KHK: variants seen among roughly 807,000 people sequenced by gnomAD.
KHK encodes fructokinase.
Under a neutral mutation model 36.0 loss-of-function variants are expected in KHK, and 37 were observed. That is an observed-to-expected ratio of 1.03 (90% CI 0.79 to 1.35). KHK has a LOEUF of 1.35. Among genes scored for constraint, KHK ranks in the 40% most tolerant of loss-of-function variants. KHK has a pLI of 0.00. For synonymous variants in KHK, 161 were observed against 162.8 expected (o/e 0.99, Z 0.08); for missense variants, 395 against 391.9 (o/e 1.01, Z -0.07).
At chr2:27,094,494 T>G in intron 2 of KHK, 1 of 1,613,880 alleles carries the variant, frequency 6.2e-7, no homozygotes, top group Non-Finnish European at 8.5e-7. Flanking sequence ...CTGGATGACC[T>G]CCGCCGCTAT....
intron 2 of KHK, chr2:27,094,204 T>G: frequency 5.8e-6 from 3 of 520,180 alleles, no homozygotes; most frequent in Non-Finnish European, 1.1e-5. Context: ...CAGCATGAGT[T>G]GGACTGAAAA....
In KHK at chr2:27,099,125, G is replaced by A. The variant is rs1205494999; in HGVS notation, c.565-71G>A. The A allele has an allele frequency of 5.9e-6, 8 of 1,360,770 alleles. No homozygotes were observed. In the East Asian group the frequency reaches 1.4e-4, roughly 23 times the overall value. 84.3% of individuals were successfully genotyped at this position (1,360,770 alleles called of 1,614,324 possible). ...GTTGGGGGAGTCGTGTTGTAATGGG[G>A]GCAACGCTAGGCTGCTGTTGGTGAA... On this transcript the variant is annotated intron_variant, in intron 5 of 7. Transcript: ENST00000260598.
rs537833159 is a variant in KHK at position 27,099,079 on chromosome 2, G to A, written c.565-117G>A. On this transcript the variant is annotated intron_variant, in intron 5 of 7. Transcript: ENST00000260598. ...TTCCCGTGGGACAGTGAGATGCTACGTTGGGGATCTATGTGGACATGTTGG... is the reference window on the plus strand; with the variant it reads ...TTCCCGTGGGACAGTGAGATGCTACATTGGGGATCTATGTGGACATGTTGG... 144 of 897,342 alleles carry A rather than the reference G, an allele frequency of 1.6e-4. 1 individual carries two copies. The South Asian group carries it at 1.8e-3, about 11-fold the overall frequency. The allele number at this position is 897,342 out of a possible 1,614,324, so 55.6% of individuals were successfully genotyped here.
At chr2:27,096,433 A>C (rs1193233936) in intron 3 of KHK, among the ~76,000 whole-genome samples, 1 of 152,154 alleles carries the variant, frequency 6.6e-6, no homozygotes, top group South Asian at 2.1e-4. Flanking sequence ...TGGCGCTCTC[A>C]GTGCATTCTG....
At chr2:27,089,849 G>A (rs1455751689) in intron 1 of KHK, among the ~76,000 whole-genome samples, 1 of 152,196 alleles carries the variant, frequency 6.6e-6, no homozygotes, top group African/African-American at 2.4e-5. Flanking sequence ...CCCCTGGGAC[G>A]TGTCCTTTTT....
intron 1 of KHK, among the ~76,000 whole-genome samples, chr2:27,089,023 ACT>A (rs1312390403): frequency 6.6e-6 from 1 of 151,960 alleles, no homozygotes; most frequent in Non-Finnish European, 1.5e-5. Context: ...ATTATTTTAT[ACT>A]CTCCTCCCAG....
At chr2:27,088,557 C>T (rs1001844879) in intron 1 of KHK, among the ~76,000 whole-genome samples, 3 of 152,208 alleles carry the variant, frequency 2.0e-5, no homozygotes, top group Non-Finnish European at 2.9e-5. Context: ...GGATTATAGG[C>T]ATACGCCACC....
In KHK at chr2:27,098,247, G is replaced by A. The variant is rs899432601; in HGVS notation, c.564+598G>A. ...TAAAAAAGATGAATGCAGGCCAAGT[G>A]TAGTGGCTCACACTTGTAATCCCAG... On this transcript the variant is annotated intron_variant, in intron 5 of 7. Transcript: ENST00000260598. 3.3e-5 allele frequency among the ~76,000 whole-genome samples: 5 copies of A among 152,134 alleles called. No homozygotes were observed. The East Asian group carries it at 9.6e-4, about 29-fold the overall frequency.
At position 27,092,343 on chromosome 2, in the gene KHK, A is replaced by G. The variant is rs143419158; in HGVS notation, c.104A>G (p.Gln35Arg). The G allele has an allele frequency of 1.5e-5, 24 of 1,612,744 alleles. No individual in the cohort carries two copies. The highest frequency in any genetic ancestry group is 1.6e-4 in the Middle Eastern group (1 of 6,084). ...CCTGTGCTTTGCAGGTGTTTGTCCC[A>G]GAGATGGCAGCGCGGAGGCAACGCG... ...KEDSEIRCLS[Q>R]RWQRGGNASN... Residue 35 changes from glutamine to arginine, a missense_variant, in exon 2 of 8, where the codon CAG becomes CGG. Transcript: ENST00000260598.
Position 27,097,585 on chromosome 2 carries a change from G to C in KHK, c.500G>C (p.Arg167Pro). 6.2e-7 allele frequency: 1 copy of C among 1,614,040 alleles called. No homozygotes were observed. Among genetic ancestry groups the C allele is most frequent in the Non-Finnish European group, 8.5e-7 (1 of 1,180,040 alleles). ...AGGCAGCCTCCAGAGCAGAAGATCC[G>C]GGTGTCCGTGGAGGTGGAGAAGCCA... is the stretch of plus-strand genomic sequence containing the variant. ...NTRQPPEQKI[R>P]VSVEVEKPRE... The change falls in exon 5 of 8, where the codon CGG becomes CCG. Residue 167 changes from arginine (R) to proline (P), a missense_variant. Transcript: ENST00000260598.
intron 5 of KHK, 56 bp from the exon 6 acceptor site, chr2:27,099,140 C>T: frequency 6.6e-7 from 1 of 1,514,154 alleles, no homozygotes; most frequent in Non-Finnish European, 9.2e-7. Context: ...CGCTAGGCTG[C>T]TGTTGGTGAA....
Position 27,100,029 on chromosome 2 carries a change from G to T in KHK, c.*279G>T, listed in dbSNP as rs577021295. On this transcript the variant is annotated 3_prime_UTR_variant, in exon 8 of 8. Coordinates refer to ENST00000260598, the MANE Select transcript of KHK (RefSeq NM_006488.3). ...GGCATTCCTGAGGCTCTGACTCTTC[G>T]ATCCTCCCTCTTTGTGTCCATTCCC... 1.5e-6 allele frequency: 1 copy of T among 659,464 alleles called. No homozygotes were observed. Among genetic ancestry groups the T allele is most frequent in the East Asian group, 2.7e-5 (1 of 36,776 alleles). The allele number at this position is 659,464 out of a possible 1,614,324, so 40.9% of individuals were successfully genotyped here.
At position 27,087,187 on chromosome 2, in the gene KHK, C is replaced by A. The variant is rs917552905; in HGVS notation, c.-73C>A. 284 of 1,304,040 alleles carry A rather than the reference C, an allele frequency of 2.2e-4. No individual in the cohort carries two copies. Among genetic ancestry groups the A allele is most frequent in the Non-Finnish European group, 3.0e-4 (280 of 925,372 alleles). 80.8% of individuals were successfully genotyped at this position (1,304,040 alleles called of 1,614,324 possible). On this transcript the variant is annotated 5_prime_UTR_variant, in exon 1 of 8. Coordinates refer to ENST00000260598, the MANE Select transcript of KHK (RefSeq NM_006488.3). The stretch of plus-strand genomic sequence containing the variant: ...GGGCAGCTGGGAGCGGGGACACCAT[C>A]CTCCTGGATAAGAGGCAGAGGCCGG...
chr2:27,099,782 G>A lies in KHK; in HGVS notation c.*32G>A. 1 of 1,609,752 alleles carries A rather than the reference G, an allele frequency of 6.2e-7. No homozygotes were observed. Among genetic ancestry groups the A allele is most frequent in the Non-Finnish European group, 8.5e-7 (1 of 1,178,168 alleles). Reference sequence around the variant, plus strand: ...GTGCCGGCTCCTCACACACCATGGAGACTACCATTGCGGCTGCATCGCCTT... The same window carrying A: ...GTGCCGGCTCCTCACACACCATGGAAACTACCATTGCGGCTGCATCGCCTT... On this transcript the variant is annotated 3_prime_UTR_variant, in exon 8 of 8. Coordinates refer to ENST00000260598, the MANE Select transcript of KHK (RefSeq NM_006488.3).
Position 27,100,310 on chromosome 2 carries a change from C to T in KHK, c.*560C>T, listed in dbSNP as rs903157115. ...CCAGTGGGGGGCAGGGGTGCGCCTC[C>T]TCTGCCCTGCCCACCAGCCTGTGAT... is the stretch of plus-strand genomic sequence containing the variant. On this transcript the variant is annotated 3_prime_UTR_variant, in exon 8 of 8. Transcript: ENST00000260598. 1.4e-6 allele frequency: 1 copy of T among 691,382 alleles called. No individual in the cohort carries two copies. Among genetic ancestry groups the T allele is most frequent in the Non-Finnish European group, 2.2e-6 (1 of 457,320 alleles). 42.8% of individuals were successfully genotyped at this position (691,382 alleles called of 1,614,324 possible).
In KHK at chr2:27,094,573, C is replaced by T. The variant is rs771957787; in HGVS notation, c.210-227C>T. 29 of 1,614,046 alleles carry T rather than the reference C, an allele frequency of 1.8e-5. No individual in the cohort carries two copies. In the Admixed American group the frequency reaches 3.0e-4, roughly 17 times the overall value. On this transcript the variant is annotated intron_variant, in intron 2 of 7. Transcript: ENST00000260598. ...TCCCCATCGCCACGGTCATCATCAA[C>T]GAGGCCAGTGGTAGCCGCACCATCC...
intron 1 of KHK, 151 bp downstream of exon 1, chr2:27,087,502 G>C (rs991886947): frequency 3.5e-6 from 2 of 576,038 alleles, no homozygotes; most frequent in Non-Finnish European, 6.2e-6. Flanking sequence ...ATCCTGGGGG[G>C]GCTCCCAGCA....
At chr2:27,098,613 G>C (rs1010911585) in intron 5 of KHK, among the ~76,000 whole-genome samples, 1 of 152,086 alleles carries the variant, frequency 6.6e-6, no homozygotes, top group East Asian at 1.9e-4. Context: ...CCAAGGCTTC[G>C]GTGTTTTGTT....
intron 2 of KHK, among the ~76,000 whole-genome samples, chr2:27,093,253 C>T (rs1396550817): frequency 6.6e-6 from 1 of 152,182 alleles, no homozygotes; most frequent in Admixed American, 6.5e-5. Context: ...CCTTGATGAA[C>T]TGGCAGGAAG....
Sources: allele counts gnomAD v4.1 joint callset (sites outside exome capture counted in the v4.1 genomes callset), GRCh38; gene constraint gnomAD v4.1.1; transcripts MANE v1.5; gene names NCBI Gene and HGNC (gene_info 2026-07-23, HGNC 2026-07-21).